PCDHGA8: variants seen among roughly 807,000 people sequenced by gnomAD.
PCDHGA8 encodes the protein protocadherin gamma-A8.
PCDHGA8 carries 45 observed loss-of-function variants against 59.2 expected under a neutral mutation model. The observed-to-expected ratio is 0.76, with a 90% CI of 0.60 to 0.98. PCDHGA8 has a LOEUF of 0.98. Among genes scored for constraint, PCDHGA8 ranks in the 50% least tolerant of loss-of-function variants. The pLI is 0.00. For missense variants in PCDHGA8, 1,257 were observed against 1,196.2 expected, an observed-to-expected ratio of 1.05 and a Z score of -0.75; for synonymous variants, 531 against 519.0, an observed-to-expected ratio of 1.02 and a Z score of -0.32.
rs775989253 is a variant in PCDHGA8 at position 141,491,769 on chromosome 5, G to A, written c.2425-3038G>A. On this transcript the variant is annotated intron_variant, in intron 1 of 3. Transcript: ENST00000398604. The surrounding 1 kb of genome is among the most constrained non-coding windows in gnomAD (Gnocchi z 6.9). ...CTGGAGAAGCCGCCCGTCCTCATAA[G>A]GGATTGAACTTGCATCCACTCCTCT... 6.4e-7 allele frequency: 1 copy of A among 1,562,376 alleles called. No homozygotes were observed. Among genetic ancestry groups the A allele is most frequent in the African/African-American group, 1.4e-5 (1 of 73,058 alleles).
At position 141,393,189 on chromosome 5, in the gene PCDHGA8, A is replaced by G. The variant is rs1561640968; in HGVS notation, c.376A>G (p.Ile126Val). 6.2e-7 allele frequency: 1 copy of G among 1,613,404 alleles called. No homozygotes were observed. The highest frequency in any genetic ancestry group is 1.7e-5 in the Admixed American group (1 of 60,024). ...TGGGGTAGAAATAGAAATAATTGAT[A>G]TTAACGATAATAACCCAAAATTCCA... is the stretch of plus-strand genomic sequence containing the variant. ...LFGVEIEIID[I>V]NDNNPKFQVE... Residue 126 changes from isoleucine (I) to valine (V), a missense_variant, in exon 1 of 4, where the codon ATT (isoleucine) becomes GTT (valine). Physicochemically the swap from Ile to Val is conservative, Grantham distance 29. Transcript: ENST00000398604.
intron 1 of PCDHGA8, chr5:141,417,647 C>T: frequency 2.5e-6 from 2 of 812,384 alleles, no homozygotes; most frequent in Non-Finnish European, 3.7e-6. Context: ...ATCCCTCAGC[C>T]TCTAGCCTGG....
chr5:141,500,498 C>T (rs1487770160), intron 2 of PCDHGA8, among the ~76,000 whole-genome samples: 5 of 152,120 alleles, frequency 3.3e-5, no homozygotes, highest in African/African-American at 7.2e-5. Context: ...CGTGAGCCAC[C>T]GCGCCTGGCC....
chr5:141,413,190 G>A (rs965319802), intron 1 of PCDHGA8: 11 of 1,607,556 alleles, frequency 6.8e-6, no homozygotes, highest in East Asian at 2.2e-5. Flanking sequence ...CCGCTCAAAG[G>A]AATCGCTCAA....
chr5:141,476,850 A>C lies in PCDHGA8; in HGVS notation c.2425-17957A>C, dbSNP rs747333239. Reference sequence around the variant, plus strand: ...GCGAATGACAATGCGCCTGTCTTCAACCAGTCCTTGTACCGGGCGCGCGTC... The same window carrying C: ...GCGAATGACAATGCGCCTGTCTTCACCCAGTCCTTGTACCGGGCGCGCGTC... On this transcript the variant is annotated intron_variant, in intron 1 of 3. Transcript: ENST00000398604. The surrounding 1 kb of genome is among the most constrained non-coding windows in gnomAD (Gnocchi z 7.6). The C allele has an allele frequency of 5.6e-6, 9 of 1,613,718 alleles. No individual in the cohort carries two copies. Among genetic ancestry groups the C allele is most frequent in the Non-Finnish European group, 7.6e-6 (9 of 1,180,054 alleles).
intron 1 of PCDHGA8, chr5:141,409,879 A>G (rs1175297210): frequency 1.9e-6 from 3 of 1,612,734 alleles, no homozygotes; most frequent in African/African-American, 2.7e-5. Flanking sequence ...ATGACAACGC[A>G]CCGCGGGTGC....
chr5:141,455,140 A>G (rs1465733732), intron 1 of PCDHGA8, among the ~76,000 whole-genome samples: 1 of 150,512 alleles, frequency 6.6e-6, no homozygotes, highest in Non-Finnish European at 1.5e-5. Context: ...ACACTGTGTT[A>G]AATAAATATT....
intron 2 of PCDHGA8, among the ~76,000 whole-genome samples, chr5:141,504,036 G>T (rs1472706342): frequency 6.6e-6 from 1 of 152,080 alleles, no homozygotes; most frequent in African/African-American, 2.4e-5. Flanking sequence ...ACTCATTTAG[G>T]CAACAAATAT....
chr5:141,477,874 T>G lies in PCDHGA8; in HGVS notation c.2425-16933T>G. On this transcript the variant is annotated intron_variant, in intron 1 of 3. Coordinates refer to ENST00000398604, the MANE Select transcript of PCDHGA8 (RefSeq NM_032088.2). This position sits in a 1 kb window ranked among gnomAD's most constrained non-coding sequence, Gnocchi z 4.9. ...AGATGCTGCCTCGAGGTACCTCAGC[T>G]GGCCACCTAGTGTCACGGGTGGTAG... 1 of 1,614,176 alleles carries G rather than the reference T, an allele frequency of 6.2e-7. No individual in the cohort carries two copies. The highest frequency in any genetic ancestry group is 8.5e-7 in the Non-Finnish European group (1 of 1,180,028).
chr5:141,442,414 ACTT>A (rs1258523193), intron 1 of PCDHGA8: 2 of 152,190 alleles, frequency 1.3e-5, no homozygotes, highest in Non-Finnish European at 2.9e-5. Flanking sequence ...GGCTGAGTGA[ACTT>A]CTTTTTTGAA....
chr5:141,482,645 G>A (rs1267966412), intron 1 of PCDHGA8, among the ~76,000 whole-genome samples: 1 of 152,120 alleles, frequency 6.6e-6, no homozygotes, highest in Admixed American at 6.5e-5. Context: ...TAGAGGTGGT[G>A]ATGCTTGAGC....
intron 1 of PCDHGA8, among the ~76,000 whole-genome samples, chr5:141,406,174 G>T (rs990967391): frequency 6.6e-6 from 1 of 151,264 alleles, no homozygotes; most frequent in African/African-American, 2.4e-5. Context: ...CTGGGCTTAT[G>T]CAATCCTCCC....
chr5:141,481,794 A>G (rs1433830305), intron 1 of PCDHGA8, among the ~76,000 whole-genome samples: 1 of 152,136 alleles, frequency 6.6e-6, no homozygotes, highest in Non-Finnish European at 1.5e-5. Context: ...TCTACTAAAA[A>G]TACAAAAATT....
chr5:141,421,342 G>A (rs199737254), intron 1 of PCDHGA8: 25 of 1,613,872 alleles, frequency 1.5e-5, no homozygotes, highest in Non-Finnish European at 1.9e-5. Context: ...GGTGCCAGAA[G>A]AGACCGAAAA....
chr5:141,431,127 T>C lies in PCDHGA8; in HGVS notation c.2424+35890T>C, dbSNP rs1455709617. ...AAAATATATGGAGTAGAAGTAGAAG[T>C]AAGGGACATTAACGACAATGCGCCT... On this transcript the variant is annotated intron_variant, in intron 1 of 3. Transcript: ENST00000398604. This position sits in a 1 kb window ranked among gnomAD's most constrained non-coding sequence, Gnocchi z 4.8. 1 of 1,614,176 alleles carries C rather than the reference T, an allele frequency of 6.2e-7. No individual in the cohort carries two copies. Among genetic ancestry groups the C allele is most frequent in the East Asian group, 2.2e-5 (1 of 44,878 alleles).
intron 1 of PCDHGA8, among the ~76,000 whole-genome samples, chr5:141,458,065 GA>G (rs541812590): frequency 3.5e-3 from 534 of 152,242 alleles, no homozygotes; most frequent in Middle Eastern, 6.8e-3. Context: ...GCACTGATGC[GA>G]ACAACTATAT....
chr5:141,482,032 C>T (rs1370023352), intron 1 of PCDHGA8, among the ~76,000 whole-genome samples: 1 of 151,018 alleles, frequency 6.6e-6, no homozygotes, highest in African/African-American at 2.4e-5. Flanking sequence ...TTGCAGTGAG[C>T]CAAGATCATG....
chr5:141,463,938 T>A (rs1378018670), intron 1 of PCDHGA8, among the ~76,000 whole-genome samples: 3 of 152,168 alleles, frequency 2.0e-5, no homozygotes, highest in Non-Finnish European at 4.4e-5. Context: ...TATAAATTTA[T>A]AGAAATCTTC....
At chr5:141,413,075 A>G (rs1013709122) in intron 1 of PCDHGA8, 4 of 1,246,610 alleles carry the variant, frequency 3.2e-6, no homozygotes, top group South Asian at 3.1e-5. Context: ...TAAAGTGCCC[A>G]GGCTACAGAG....
Sources: allele counts gnomAD v4.1 joint callset (sites outside exome capture counted in the v4.1 genomes callset), GRCh38; gene constraint gnomAD v4.1.1; non-coding constraint Gnocchi (gnomAD v3.1); transcripts MANE v1.5; gene names NCBI Gene and HGNC (gene_info 2026-07-23, HGNC 2026-07-21).